Variants in CRYBG1 observed in about 807,000 individuals in gnomAD.
CRYBG1 encodes crystallin beta-gamma domain containing 1.
A neutral mutation model predicts 189.2 loss-of-function variants in CRYBG1; 139 were observed. That is an observed-to-expected ratio of 0.73 (90% CI 0.64 to 0.85). The LOEUF (loss-of-function observed/expected upper bound fraction) is 0.85, where lower values mean the gene tolerates loss of function less well. CRYBG1 is among the 40% of genes least tolerant of loss of function. The probability of loss-of-function intolerance (pLI) is 0.00; values close to 1 mark genes in which losing one functional copy is unlikely to be tolerated. For missense variants in CRYBG1, 2,611 were observed against 2,675.8 expected (o/e 0.98, Z 0.53); for synonymous variants, 1,023 against 1,017.1 (o/e 1.01, Z -0.11).
chr6:106,398,526 A>G (rs530937724), intron 1 of CRYBG1, among the ~76,000 whole-genome samples: 1 of 152,334 alleles, frequency 6.6e-6, no homozygotes, highest in Non-Finnish European at 1.5e-5. Flanking sequence ...AGTAATTGGT[A>G]GCAAAAATCT....
chr6:106,459,423 A>G (rs1214411276), intron 2 of CRYBG1, among the ~76,000 whole-genome samples: 1 of 152,146 alleles, frequency 6.6e-6, no homozygotes, highest in African/African-American at 2.4e-5. Flanking sequence ...CAAGAATACT[A>G]AACTCATAAA....
chr6:106,490,859 C>T (rs1772705306), intron 2 of CRYBG1, among the ~76,000 whole-genome samples: 1 of 150,894 alleles, frequency 6.6e-6, no homozygotes, highest in African/African-American at 2.5e-5. Flanking sequence ...AGGCCTGTTG[C>T]TCTTGATGAG....
rs1775028996 is a variant in CRYBG1, at chr6:106,570,513, G to A, written c.*1947G>A. ...CTCACCCTTCAAAGAGAGTCAGCTA[G>A]CAGATTAGAAACAAATGTCTGATTA... On this transcript the variant is annotated 3_prime_UTR_variant, in exon 22 of 22. Transcript: ENST00000633556. 6.6e-6 allele frequency: 1 copy of A among 152,200 alleles called. No individual in the cohort carries two copies. Among genetic ancestry groups the A allele is most frequent in the South Asian group, 2.1e-4 (1 of 4,828 alleles). The allele number at this position is 152,200 out of a possible 1,614,324, so 9.4% of individuals were successfully genotyped here.
chr6:106,367,161 C>A (rs3862833), intron 1 of CRYBG1, among the ~76,000 whole-genome samples: 101,412 of 152,066 alleles, frequency 0.67, 34,002 homozygotes, highest in African/African-American at 0.74. Context: ...TACTTTATCC[C>A]CCCTCTATTT....
At position 106,571,744 on chromosome 6, in the gene CRYBG1, A is replaced by C; in HGVS notation, c.*3178A>C. The C allele has an allele frequency of 2.3e-6, 1 of 433,378 alleles. No individual in the cohort carries two copies. The highest frequency in any genetic ancestry group is 4.2e-6 in the Non-Finnish European group (1 of 240,500). The allele number at this position is 433,378 out of a possible 1,614,324, so 26.8% of individuals were successfully genotyped here. On this transcript the variant is annotated 3_prime_UTR_variant, in exon 22 of 22. Transcript: ENST00000633556. ...AAGCTAGTAAAACAGAAGGTGCCAC[A>C]ACAACCTGCAAAGCCAGTGTGAAGG... is the stretch of plus-strand genomic sequence containing the variant.
intron 1 of CRYBG1, among the ~76,000 whole-genome samples, chr6:106,365,050 A>G (rs911932960): frequency 1.3e-5 from 2 of 152,164 alleles, no homozygotes; most frequent in African/African-American, 4.8e-5. Context: ...TCTGCTATAT[A>G]ATGAAAGTGG....
At chr6:106,497,857 G>A (rs1227104909) in intron 2 of CRYBG1, among the ~76,000 whole-genome samples, 2 of 152,192 alleles carry the variant, frequency 1.3e-5, no homozygotes, top group Non-Finnish European at 1.5e-5. Context: ...TTGGGAGGCC[G>A]AGGTGGGCAG....
chr6:106,433,973 G>C (rs185188410), intron 1 of CRYBG1, among the ~76,000 whole-genome samples: 1 of 151,894 alleles, frequency 6.6e-6, no homozygotes, highest in Admixed American at 6.6e-5. Flanking sequence ...CTGATTGGTT[G>C]CAGCTCAGGT....
At chr6:106,508,346 A>G (rs1773173967) in intron 2 of CRYBG1, among the ~76,000 whole-genome samples, 1 of 152,218 alleles carries the variant, frequency 6.6e-6, no homozygotes, top group Non-Finnish European at 1.5e-5. Context: ...AACTTCATTT[A>G]TATATACCCA....
At chr6:106,445,824 C>A (rs1254317875) in intron 1 of CRYBG1, among the ~76,000 whole-genome samples, 1 of 152,162 alleles carries the variant, frequency 6.6e-6, no homozygotes, top group Non-Finnish European at 1.5e-5. Flanking sequence ...AATTTGAAGA[C>A]AACACTGCTT....
intron 7 of CRYBG1, 137 bp downstream of exon 7, chr6:106,527,607 AG>A (rs1773770682): frequency 1.1e-6 from 1 of 930,736 alleles, no homozygotes. Flanking sequence ...CTGTATTTTA[AG>A]TATTTGTACA....
At chr6:106,367,090 G>A (rs1772015100) in intron 1 of CRYBG1, among the ~76,000 whole-genome samples, 1 of 152,132 alleles carries the variant, frequency 6.6e-6, no homozygotes. Flanking sequence ...TTTCCCAAAG[G>A]GATTTTGGAG....
Position 106,521,113 on chromosome 6 carries a change from ATCT to A in CRYBG1, c.3909_3911del (p.Leu1304del). 1 of 1,614,140 alleles carries A rather than the reference ATCT, an allele frequency of 6.2e-7. No individual in the cohort carries two copies. Among genetic ancestry groups the A allele is most frequent in the Non-Finnish European group, 8.5e-7 (1 of 1,180,026 alleles). On this transcript the variant is annotated inframe_deletion, in exon 4 of 22. Transcript: ENST00000633556. ...TGTGGTTTGAACAAAGAACAGTCAA[ATCT>A]TCTGCCCGACAACTCCTTAAAGGTC...
chr6:106,459,681 T>C (rs1364474469), intron 2 of CRYBG1, among the ~76,000 whole-genome samples: 2 of 152,118 alleles, frequency 1.3e-5, no homozygotes, highest in African/African-American at 4.8e-5. Flanking sequence ...AGTTTACCAC[T>C]CTTTATTTGT....
At chr6:106,482,615 A>C (rs1772492306) in intron 2 of CRYBG1, among the ~76,000 whole-genome samples, 1 of 152,060 alleles carries the variant, frequency 6.6e-6, no homozygotes, top group Non-Finnish European at 1.5e-5. Flanking sequence ...CTCTACTAAA[A>C]ATACAAAAAA....
intron 2 of CRYBG1, 123 bp from the exon 3 acceptor site, chr6:106,511,307 T>C (rs1040834660): frequency 5.3e-6 from 5 of 943,434 alleles, no homozygotes; most frequent in Non-Finnish European, 7.5e-6. Context: ...TAAACATAAC[T>C]TTATCATTTT....
chr6:106,468,123 A>C (rs1199118380), intron 2 of CRYBG1, among the ~76,000 whole-genome samples: 1 of 152,222 alleles, frequency 6.6e-6, no homozygotes, highest in Non-Finnish European at 1.5e-5. Context: ...TAAAAAGTAA[A>C]AGAGGAAATT....
chr6:106,463,820 G>A (rs1246133445), intron 2 of CRYBG1, among the ~76,000 whole-genome samples: 2 of 152,132 alleles, frequency 1.3e-5, no homozygotes, highest in African/African-American at 2.4e-5. Context: ...CTCTGCCATT[G>A]TGCCTAATGA....
intron 1 of CRYBG1, among the ~76,000 whole-genome samples, chr6:106,375,859 T>A (rs1440083912): frequency 6.6e-6 from 1 of 152,226 alleles, no homozygotes; most frequent in East Asian, 1.9e-4. Context: ...GAACCCTCTA[T>A]ATACTATGTT....
Sources: allele counts gnomAD v4.1 joint callset (sites outside exome capture counted in the v4.1 genomes callset), GRCh38; gene constraint gnomAD v4.1.1; transcripts MANE v1.5; gene names NCBI Gene and HGNC (gene_info 2026-07-23, HGNC 2026-07-21).